Variants in RFX3 observed in about 807,000 individuals in gnomAD.
The protein encoded by RFX3 is regulatory factor X3.
RFX3 carries 14 observed loss-of-function variants against 98.6 expected under a neutral mutation model. That is an observed-to-expected ratio of 0.14 (90% confidence interval 0.09 to 0.22). The LOEUF (loss-of-function observed/expected upper bound fraction) is 0.22. Among genes scored for constraint, RFX3 ranks in the 10% least tolerant of loss-of-function variants. The pLI is 1.00. For synonymous variants in RFX3, 383 were observed against 328.4 expected (o/e 1.17, Z -1.80); for missense variants, 639 against 926.9 (o/e 0.69, Z 4.03).
intron 8 of RFX3, 129 bp from the exon 9 acceptor site, chr9:3,275,741 C>T (rs1201897995): frequency 1.1e-5 from 6 of 530,608 alleles, no homozygotes; most frequent in African/African-American, 7.7e-5. Context: ...AGAGCAAGGA[C>T]ATTTTATATT....
intron 1 of RFX3, among the ~76,000 whole-genome samples, chr9:3,428,452 C>T (rs1050655249): frequency 6.6e-6 from 1 of 152,116 alleles, no homozygotes; most frequent in Non-Finnish European, 1.5e-5. Context: ...TAAGTAAAAA[C>T]GTTTAAAATT....
At chr9:3,277,584 G>T in intron 7 of RFX3, 123 bp from the exon 8 acceptor site, 1 of 783,232 alleles carries the variant, frequency 1.3e-6, no homozygotes, top group Non-Finnish European at 1.9e-6. Flanking sequence ...ATAGTTGTAG[G>T]ATTTTTTTCC....
intron 2 of RFX3, among the ~76,000 whole-genome samples, chr9:3,370,094 G>A (rs1837667418): frequency 6.6e-6 from 1 of 150,400 alleles, no homozygotes; most frequent in Non-Finnish European, 1.5e-5. Flanking sequence ...GCCCGCCTCG[G>A]CCTCCCAGAG....
chr9:3,393,642 CAG>C (rs1840549665), intron 2 of RFX3, among the ~76,000 whole-genome samples: 1 of 148,904 alleles, frequency 6.7e-6, no homozygotes, highest in Admixed American at 6.7e-5. Flanking sequence ...CAATAAGGTT[CAG>C]AGTCTTAAAA....
chr9:3,297,190 A>G (rs1828098072), intron 5 of RFX3, among the ~76,000 whole-genome samples: 1 of 152,082 alleles, frequency 6.6e-6, no homozygotes, highest in Non-Finnish European at 1.5e-5. Context: ...CCCCAATCTT[A>G]ACATTCAATA....
At chr9:3,226,602 G>A (rs781304425) in intron 16 of RFX3, among the ~76,000 whole-genome samples, 1 of 152,160 alleles carries the variant, frequency 6.6e-6, no homozygotes, top group Non-Finnish European at 1.5e-5. Context: ...TCGGCCCACC[G>A]ACTTTATCAA....
chr9:3,502,274 A>C (rs1816113495), intron 1 of RFX3, among the ~76,000 whole-genome samples: 1 of 151,906 alleles, frequency 6.6e-6, no homozygotes, highest in Non-Finnish European at 1.5e-5. Flanking sequence ...AAAAAAAAAA[A>C]ATCACTTTCA....
At chr9:3,359,965 A>G (rs561434769) in intron 2 of RFX3, among the ~76,000 whole-genome samples, 1 of 152,168 alleles carries the variant, frequency 6.6e-6, no homozygotes, top group Admixed American at 6.5e-5. Flanking sequence ...TTACAAGCTT[A>G]TTTTCTATTT....
chr9:3,492,661 TG>T (rs2133529489), intron 1 of RFX3, among the ~76,000 whole-genome samples: 1 of 152,250 alleles, frequency 6.6e-6, no homozygotes, highest in East Asian at 1.9e-4. Flanking sequence ...GGGCATGCTA[TG>T]GCAAAGAGCC....
At chr9:3,254,475 T>C (rs558193359) in intron 14 of RFX3, among the ~76,000 whole-genome samples, 1 of 152,252 alleles carries the variant, frequency 6.6e-6, no homozygotes, top group South Asian at 2.1e-4. Flanking sequence ...CCACTTACGT[T>C]GTTATCTGGG....
chr9:3,363,311 T>G (rs1204799262), intron 2 of RFX3, among the ~76,000 whole-genome samples: 1 of 152,158 alleles, frequency 6.6e-6, no homozygotes, highest in Non-Finnish European at 1.5e-5. Context: ...CATCAAAATA[T>G]CTAACTACAG....
At chr9:3,480,682 G>A (rs936394930) in intron 1 of RFX3, among the ~76,000 whole-genome samples, 6 of 152,112 alleles carry the variant, frequency 3.9e-5, no homozygotes, top group Non-Finnish European at 8.8e-5. Flanking sequence ...CGTTCACCAG[G>A]AATCTTAATT....
chr9:3,452,417 AC>A, intron 1 of RFX3: 1 of 251,702 alleles, frequency 4.0e-6, no homozygotes, highest in South Asian at 3.8e-5. Flanking sequence ...ATACGGAGAC[AC>A]CAGGTCTATA....
At chr9:3,390,007 A>G (rs1218553801) in intron 2 of RFX3, among the ~76,000 whole-genome samples, 2 of 152,194 alleles carry the variant, frequency 1.3e-5, no homozygotes, top group African/African-American at 4.8e-5. Flanking sequence ...CATAAAAACA[A>G]TTTTAGAATT....
intron 1 of RFX3, among the ~76,000 whole-genome samples, chr9:3,422,216 A>G (rs1447206405): frequency 6.6e-6 from 1 of 152,108 alleles, no homozygotes; most frequent in Non-Finnish European, 1.5e-5. Flanking sequence ...TATCCCACTC[A>G]CCCAAAATGA....
intron 1 of RFX3, among the ~76,000 whole-genome samples, chr9:3,437,774 T>C (rs1225935726): frequency 6.6e-6 from 1 of 152,082 alleles, no homozygotes; most frequent in East Asian, 1.9e-4. Flanking sequence ...CCCTTCTTCA[T>C]GTGATGCGCT....
At chr9:3,350,022 T>C (rs1834913209) in intron 2 of RFX3, among the ~76,000 whole-genome samples, 1 of 151,970 alleles carries the variant, frequency 6.6e-6, no homozygotes, top group Admixed American at 6.6e-5. Flanking sequence ...ATAATCCTAT[T>C]AAAAAAATGT....
chr9:3,424,220 G>A (rs1020512389), intron 1 of RFX3, among the ~76,000 whole-genome samples: 1 of 151,404 alleles, frequency 6.6e-6, no homozygotes, highest in African/African-American at 2.4e-5. Flanking sequence ...ATTTCATTTT[G>A]TCCAAATATC....
chr9:3,254,495 G>C (rs1419661128), intron 14 of RFX3, among the ~76,000 whole-genome samples: 4 of 151,698 alleles, frequency 2.6e-5, no homozygotes, highest in African/African-American at 9.7e-5. Flanking sequence ...GAAAAAACTT[G>C]ATGAATAAAA....
Sources: gnomAD v4.1 joint callset for allele counts (sites outside exome capture counted in the v4.1 genomes callset) on GRCh38, gnomAD v4.1.1 for gene constraint, MANE v1.5 for transcripts, NCBI Gene and HGNC (gene_info 2026-07-23, HGNC 2026-07-21) for gene names.